SLC13A4: variants seen among roughly 807,000 people sequenced by gnomAD.
The protein encoded by SLC13A4 is solute carrier family 13 member 4.
A neutral mutation model predicts 72.7 loss-of-function variants in SLC13A4; 28 were observed. The ratio of observed to expected loss-of-function variants is 0.39; its 90% confidence interval spans 0.29 to 0.53. SLC13A4 has a LOEUF of 0.53. Ranked by LOEUF, SLC13A4 falls within the 20% of genes least tolerant of loss-of-function variation. SLC13A4 has a pLI of 0.78. For synonymous variants in SLC13A4, 312 were observed against 325.5 expected (o/e 0.96, Z 0.45); for missense variants, 653 against 788.0 (o/e 0.83, Z 2.05).
At chr7:135,717,263 T>C (rs2129495282) in intron 2 of SLC13A4, among the ~76,000 whole-genome samples, 1 of 151,746 alleles carries the variant, frequency 6.6e-6, no homozygotes, top group East Asian at 1.9e-4. Context: ...TGAGAAATTC[T>C]TTTTTTCCCC....
chr7:135,703,383 T>C (rs62480965), intron 5 of SLC13A4: 5,516 of 159,966 alleles, frequency 0.034, 111 homozygotes, highest in Middle Eastern at 0.088. Context: ...CTGACTCTCA[T>C]GTTCTCACTG....
chr7:135,698,913 A>G (rs1202588096), intron 8 of SLC13A4, among the ~76,000 whole-genome samples: 1 of 152,126 alleles, frequency 6.6e-6, no homozygotes, highest in Non-Finnish European at 1.5e-5. Flanking sequence ...GATTACAGGC[A>G]TGAGCCACTG....
At chr7:135,701,619 T>C in intron 7 of SLC13A4, 61 bp downstream of exon 7, 2 of 1,535,952 alleles carry the variant, frequency 1.3e-6, no homozygotes, top group Non-Finnish European at 1.8e-6. Context: ...ACCAGTGCCC[T>C]TGGGAAGCAG....
intron 2 of SLC13A4, among the ~76,000 whole-genome samples, chr7:135,711,803 A>C (rs1244861767): frequency 6.6e-6 from 1 of 151,686 alleles, no homozygotes. Context: ...TGTGGCCCAG[A>C]CTGGAGTGCA....
At chr7:135,694,342 T>TC in intron 9 of SLC13A4, 104 bp from the exon 10 acceptor site, 1 of 700,548 alleles carries the variant, frequency 1.4e-6, no homozygotes, top group Admixed American at 2.3e-5. Context: ...TGGTCACTTT[T>TC]CTCCTCTTTC....
chr7:135,693,013 A>G (rs1039659286), intron 10 of SLC13A4: 1 of 148,402 alleles, frequency 6.7e-6, no homozygotes, highest in African/African-American at 2.5e-5. Context: ...AGGCAGGAGA[A>G]TCGCTTGAAC....
chr7:135,698,467 G>A (rs539009420), intron 8 of SLC13A4, among the ~76,000 whole-genome samples: 74 of 130,116 alleles, frequency 5.7e-4, no homozygotes, highest in African/African-American at 2.1e-3. Flanking sequence ...CCTAAGTAGC[G>A]GGGATTACAG....
At chr7:135,690,579 T>C (rs1383110346) in intron 13 of SLC13A4, among the ~76,000 whole-genome samples, 1 of 152,168 alleles carries the variant, frequency 6.6e-6, no homozygotes, top group Non-Finnish European at 1.5e-5. Context: ...CTATTGCCAC[T>C]GTCAAATCCC....
chr7:135,721,581 C>T (rs1421989985), intron 1 of SLC13A4, 58 bp from the exon 2 acceptor site: 8 of 1,600,550 alleles, frequency 5.0e-6, no homozygotes, highest in Non-Finnish European at 5.1e-6. Context: ...ACTGAGCGTC[C>T]GGATGCAACC....
Position 135,681,674 on chromosome 7 carries a change from A to G in SLC13A4, c.1773T>C (p.Val591=). ...DMVKAGLGVN[V]IGLVIVMVAI... Reference sequence around the variant, plus strand: ...CCACCATTACTATCACCAGTCCAATAACGTTGACTCCCAGGCCAGCTTTCA... The same window carrying G: ...CCACCATTACTATCACCAGTCCAATGACGTTGACTCCCAGGCCAGCTTTCA... The change falls in exon 16 of 16, where the codon GTT becomes GTC. Residue 591 remains valine (V), a synonymous_variant. Transcript: ENST00000682651. The G allele has an allele frequency of 1.2e-6, 2 of 1,613,842 alleles. No individual in the cohort carries two copies. Among genetic ancestry groups the G allele is most frequent in the Non-Finnish European group, 1.7e-6 (2 of 1,179,862 alleles).
At chr7:135,696,737 A>G (rs1052407280) in intron 8 of SLC13A4, among the ~76,000 whole-genome samples, 1 of 151,912 alleles carries the variant, frequency 6.6e-6, no homozygotes, top group Non-Finnish European at 1.5e-5. Context: ...TTAGTCCTCA[A>G]CTCACCAGAA....
chr7:135,683,184 A>G (rs1237245182), intron 15 of SLC13A4: 1 of 179,216 alleles, frequency 5.6e-6, no homozygotes, highest in Admixed American at 6.6e-5. Context: ...CTGTAGTCCA[A>G]GGTACTCTGG....
chr7:135,726,811 T>C (rs1796667952), intron 1 of SLC13A4, among the ~76,000 whole-genome samples: 1 of 152,252 alleles, frequency 6.6e-6, no homozygotes. Flanking sequence ...CAGGGCAGCC[T>C]GCTAAGTTCT....
chr7:135,719,844 C>T (rs1796508409), intron 2 of SLC13A4, among the ~76,000 whole-genome samples: 1 of 135,346 alleles, frequency 7.4e-6, no homozygotes, highest in African/African-American at 2.8e-5. Flanking sequence ...CACACACACG[C>T]ATATATATAT....
rs986060542 is a variant in SLC13A4 at position 135,705,455 on chromosome 7, C to A, written c.593+141G>T. 5.4e-5 allele frequency: 28 copies of A among 518,304 alleles called. No individual in the cohort carries two copies. In the African/African-American group the frequency reaches 1.7e-3, roughly 31 times the overall value. 32.1% of individuals were successfully genotyped at this position (518,304 alleles called of 1,614,324 possible). On this transcript the variant is annotated intron_variant, in intron 5 of 15. Coordinates refer to ENST00000682651, the MANE Select transcript of SLC13A4 (RefSeq NM_001318192.2). The stretch of plus-strand genomic sequence containing the variant: ...TGGAGAGGAAATGGGGGAGGTTGGG[C>A]GGGGTGGGGGGGTGGTGTGGCAAGG...
chr7:135,683,491 C>G, intron 15 of SLC13A4: 1 of 984,058 alleles, frequency 1.0e-6, no homozygotes, highest in South Asian at 4.7e-5. Flanking sequence ...CCCCCCCGCT[C>G]AGCCCTGGAT....
At chr7:135,721,596 C>A in intron 1 of SLC13A4, 73 bp from the exon 2 acceptor site, 1 of 1,584,506 alleles carries the variant, frequency 6.3e-7, no homozygotes, top group Non-Finnish European at 8.6e-7. Flanking sequence ...GCAACCCTGG[C>A]ATCTGAGGCA....
intron 2 of SLC13A4, among the ~76,000 whole-genome samples, chr7:135,719,488 C>T (rs1365814256): frequency 6.6e-6 from 1 of 152,128 alleles, no homozygotes; most frequent in Non-Finnish European, 1.5e-5. Context: ...TTTAATTTCA[C>T]AATTTTAAAG....
chr7:135,720,259 G>A (rs1289778676), intron 2 of SLC13A4, among the ~76,000 whole-genome samples: 1 of 152,078 alleles, frequency 6.6e-6, no homozygotes, highest in Non-Finnish European at 1.5e-5. Context: ...TTTTTCTTAT[G>A]GTGTAGTGAT....
Sources: gnomAD v4.1 joint callset for allele counts (sites outside exome capture counted in the v4.1 genomes callset) on GRCh38, gnomAD v4.1.1 for gene constraint, MANE v1.5 for transcripts, NCBI Gene and HGNC (gene_info 2026-07-23, HGNC 2026-07-21) for gene names.